The following VPS41 variants were observed in gnomAD, a reference collection of about 807,000 sequenced individuals.
The protein encoded by VPS41 is VPS41 subunit of HOPS complex.
A neutral mutation model predicts 130.9 loss-of-function variants in VPS41; 85 were observed. That is an observed-to-expected ratio of 0.65 (90% CI 0.55 to 0.78). VPS41 has a LOEUF of 0.78. VPS41 is among the 30% of genes least tolerant of loss of function. The pLI, the probability that VPS41 is intolerant of heterozygous loss-of-function variation, is 0.00. For synonymous variants in VPS41, 335 were observed against 332.9 expected, an observed-to-expected ratio of 1.01 and a Z score of -0.07; for missense variants, 874 against 1,018.7, an observed-to-expected ratio of 0.86 and a Z score of 1.93.
At chr7:38,737,058 A>G (rs1162779057) in intron 25 of VPS41, among the ~76,000 whole-genome samples, 1 of 152,170 alleles carries the variant, frequency 6.6e-6, no homozygotes, top group Non-Finnish European at 1.5e-5. Context: ...AGCTGGGGAG[A>G]GAATTATCTA....
chr7:38,807,927 A>G (rs1784871609), intron 7 of VPS41, among the ~76,000 whole-genome samples: 1 of 152,260 alleles, frequency 6.6e-6, no homozygotes, highest in South Asian at 2.1e-4. Context: ...GCAAAAGAAG[A>G]TATTATCAGC....
chr7:38,751,901 C>T (rs1424607173), intron 22 of VPS41, among the ~76,000 whole-genome samples: 1 of 152,172 alleles, frequency 6.6e-6, no homozygotes, highest in African/African-American at 2.4e-5. Flanking sequence ...ATCATTTTTG[C>T]CTGATGGTTG....
In VPS41 at chr7:38,901,935, A is replaced by G. The variant is rs78820030; in HGVS notation, c.22-3806T>C. Among the ~76,000 whole-genome samples the G allele has an allele frequency of 3.5e-4, 54 of 152,328 alleles. No homozygotes were observed. The East Asian group carries it at 8.7e-3, about 24-fold the overall frequency. ...AATTTTATGCTATGTGTATTTTACT[A>G]TAATAAAGTGCTGTTGATCAAAGCA... is the stretch of plus-strand genomic sequence containing the variant. On this transcript the variant is annotated intron_variant, in intron 1 of 28. Coordinates refer to ENST00000310301, the MANE Select transcript of VPS41 (RefSeq NM_014396.4).
rs937597597 is a variant in VPS41, at chr7:38,796,881, T to C, written c.451-17A>G. The C allele has an allele frequency of 1.2e-6, 2 of 1,613,462 alleles. No homozygotes were observed. Among genetic ancestry groups the C allele is most frequent in the African/African-American group, 2.7e-5 (2 of 74,916 alleles). On this transcript the variant is annotated splice_polypyrimidine_tract_variant and intron_variant, in intron 7 of 28. Coordinates refer to ENST00000310301, the MANE Select transcript of VPS41 (RefSeq NM_014396.4). ...CAGTAGCAGCTAGGGACAAAAAGCA[T>C]AAACAAAGAATCTTAGAAACTGAAA... is the stretch of plus-strand genomic sequence containing the variant.
At chr7:38,840,166 C>A (rs1351669816) in intron 4 of VPS41, among the ~76,000 whole-genome samples, 2 of 152,216 alleles carry the variant, frequency 1.3e-5, no homozygotes, top group African/African-American at 2.4e-5. Context: ...CGCTGCTGAC[C>A]ACTGCTTCCT....
chr7:38,871,169 C>A (rs980212644), intron 2 of VPS41, among the ~76,000 whole-genome samples: 1 of 150,102 alleles, frequency 6.7e-6, no homozygotes, highest in African/African-American at 2.4e-5. Flanking sequence ...AGAAGCTCTG[C>A]AATAAGCAGG....
Position 38,767,552 on chromosome 7 carries a change from T to C in VPS41, c.1232A>G (p.Tyr411Cys), listed in dbSNP as rs1403862233. 3 of 1,608,610 alleles carry C rather than the reference T, an allele frequency of 1.9e-6. No homozygotes were observed. The highest frequency in any genetic ancestry group is 2.7e-5 in the African/African-American group (2 of 74,796). The change falls in exon 15 of 29, where the codon TAT becomes TGT. Residue 411 changes from tyrosine to cysteine, a missense_variant. Tyr to Cys is a radical substitution (Grantham distance 194, BLOSUM62 -2). Coordinates refer to ENST00000310301, the MANE Select transcript of VPS41 (RefSeq NM_014396.4). The stretch of plus-strand genomic sequence containing the variant: ...TCATCATTACCGTGCTGCTATGTCA[T>C]AGTCTCCTCTCTCCACCAGGTGATT... ...YINHLVERGD[Y>C]DIAARKCQKI...
intron 4 of VPS41, among the ~76,000 whole-genome samples, chr7:38,834,107 A>T (rs1584418784): frequency 4.4e-5 from 1 of 22,940 alleles, no homozygotes; most frequent in South Asian, 2.9e-3. Flanking sequence ...CATGGTATTT[A>T]AAAAAAAAAA....
intron 4 of VPS41, among the ~76,000 whole-genome samples, chr7:38,849,608 C>G (rs1224577861): frequency 6.6e-6 from 1 of 152,174 alleles, no homozygotes; most frequent in African/African-American, 2.4e-5. Flanking sequence ...GATGGCCTAC[C>G]AGCGTGCCGG....
intron 28 of VPS41, 92 bp downstream of exon 28, chr7:38,726,817 C>G: frequency 8.9e-7 from 1 of 1,125,622 alleles, no homozygotes; most frequent in Non-Finnish European, 1.2e-6. Flanking sequence ...TTAACCCATA[C>G]AGCCATAAGG....
rs763959553 is a variant in VPS41 at position 38,776,663 on chromosome 7, G to A, written c.882+16C>T. 13 of 1,482,026 alleles carry A rather than the reference G, an allele frequency of 8.8e-6. No individual in the cohort carries two copies. Among genetic ancestry groups the A allele is most frequent in the African/African-American group, 1.4e-5 (1 of 72,282 alleles). 91.8% of individuals were successfully genotyped at this position (1,482,026 alleles called of 1,614,324 possible). On this transcript the variant is annotated intron_variant, in intron 11 of 28. Transcript: ENST00000310301. ...GAACCCCCACATGCCTTTGTATCTG[G>A]GGAGAAAATAATTACCGTTTTTTCT...
rs74999150 is a variant in VPS41, at chr7:38,786,668, A to G, written c.784+3133T>C. ...AAATGTTAGAAAAAAAATTCAATGC[A>G]GAACAGATTATTACAGAAATTTATA... On this transcript the variant is annotated intron_variant, in intron 10 of 28. Transcript: ENST00000310301. Among the ~76,000 whole-genome samples the G allele has an allele frequency of 7.7e-3, 1,168 of 152,364 alleles. 36 individuals are homozygous for G. The East Asian group carries it at 0.11, about 14-fold the overall frequency.
chr7:38,803,585 C>T (rs1340769630), intron 7 of VPS41, among the ~76,000 whole-genome samples: 1 of 152,158 alleles, frequency 6.6e-6, no homozygotes, highest in Non-Finnish European at 1.5e-5. Context: ...GCAAATAAAA[C>T]TGTCTCAATA....
At chr7:38,755,943 A>G (rs1783781356) in intron 19 of VPS41, among the ~76,000 whole-genome samples, 1 of 152,150 alleles carries the variant, frequency 6.6e-6, no homozygotes, top group South Asian at 2.1e-4. Context: ...GTCCCTAAAG[A>G]CTTGACTCAG....
chr7:38,854,940 G>A (rs1785948168), intron 4 of VPS41, among the ~76,000 whole-genome samples: 1 of 151,892 alleles, frequency 6.6e-6, no homozygotes, highest in Admixed American at 6.6e-5. Context: ...GCCAGGCGTG[G>A]TGGCTCACAC....
At chr7:38,751,697 A>G (rs1244789849) in intron 22 of VPS41, among the ~76,000 whole-genome samples, 6 of 152,190 alleles carry the variant, frequency 3.9e-5, no homozygotes, top group Non-Finnish European at 7.3e-5. Context: ...AGGATGTAGG[A>G]GAAACAAAGA....
At chr7:38,836,169 TTTA>T (rs1261900217) in intron 4 of VPS41, among the ~76,000 whole-genome samples, 3 of 152,090 alleles carry the variant, frequency 2.0e-5, no homozygotes, top group Non-Finnish European at 4.4e-5. Context: ...CATTTCATTT[TTTA>T]TTATTTGCTA....
intron 6 of VPS41, among the ~76,000 whole-genome samples, chr7:38,818,672 T>C (rs1006229958): frequency 1.3e-5 from 2 of 152,198 alleles, no homozygotes; most frequent in Admixed American, 6.5e-5. Context: ...GGCTGTAAGC[T>C]TGCATAGACT....
At chr7:38,831,113 T>C in intron 4 of VPS41, 9 of 437,276 alleles carry the variant, frequency 2.1e-5, no homozygotes, top group South Asian at 1.5e-4. Flanking sequence ...TTCCTCAAAT[T>C]GAATATCTTC....
Sources: gnomAD v4.1 joint callset for allele counts (sites outside exome capture counted in the v4.1 genomes callset) on GRCh38, gnomAD v4.1.1 for gene constraint, MANE v1.5 for transcripts, NCBI Gene and HGNC (gene_info 2026-07-23, HGNC 2026-07-21) for gene names.